FCHSD2: variants seen among roughly 807,000 people sequenced by gnomAD.
FCHSD2 encodes FCH and double SH3 domains 2.
In FCHSD2, 38 loss-of-function variants were observed where a neutral mutation model predicts 108.1. The observed-to-expected ratio is 0.35, with a 90% CI of 0.27 to 0.46. FCHSD2 has a LOEUF of 0.46. Among genes scored for constraint, FCHSD2 ranks in the 20% least tolerant of loss-of-function variants. The pLI is 1.00. For missense variants in FCHSD2, 751 were observed against 897.8 expected (o/e 0.84, Z 2.09); for synonymous variants, 279 against 314.7 (o/e 0.89, Z 1.20).
Position 73,111,937 on chromosome 11 carries a change from CATATT to C in FCHSD2, c.119+28089_119+28093del, listed in dbSNP as rs1298416145. On this transcript the variant is annotated intron_variant, in intron 2 of 19. Coordinates refer to ENST00000409418, the MANE Select transcript of FCHSD2 (RefSeq NM_014824.3). ...AACTTTTGGTTGTTACTATTTATAT[CATATT>C]ATACTGGATATGTCTTTAAAAGCTG... 4.6e-5 allele frequency among the ~76,000 whole-genome samples: 7 copies of C among 152,236 alleles called. 1 individual carries two copies. Among genetic ancestry groups the C allele is most frequent in the Middle Eastern group, 6.8e-3 (2 of 294 alleles).
intron 4 of FCHSD2, among the ~76,000 whole-genome samples, chr11:73,004,713 G>A (rs1325129994): frequency 6.6e-6 from 1 of 152,164 alleles, no homozygotes; most frequent in African/African-American, 2.4e-5. Flanking sequence ...ATGGCAGAAT[G>A]TGGCTGGAGA....
At chr11:72,852,130 C>G (rs1861306578) in intron 13 of FCHSD2, among the ~76,000 whole-genome samples, 2 of 151,988 alleles carry the variant, frequency 1.3e-5, no homozygotes, top group South Asian at 4.1e-4. Flanking sequence ...TTCAAGTGAT[C>G]CTCCCGCCTT....
At chr11:72,962,292 A>G (rs1399521500) in intron 8 of FCHSD2, among the ~76,000 whole-genome samples, 1 of 152,224 alleles carries the variant, frequency 6.6e-6, no homozygotes, top group Non-Finnish European at 1.5e-5. Flanking sequence ...TGATGATGCA[A>G]TCGCTCTGAC....
intron 9 of FCHSD2, among the ~76,000 whole-genome samples, chr11:72,914,135 C>T (rs1855823781): frequency 6.6e-6 from 1 of 152,074 alleles, no homozygotes; most frequent in South Asian, 2.1e-4. Flanking sequence ...CTGCCTCAGC[C>T]TCCCGAGCAG....
At chr11:72,955,622 G>A (rs1419725017) in intron 8 of FCHSD2, among the ~76,000 whole-genome samples, 4 of 150,698 alleles carry the variant, frequency 2.7e-5, no homozygotes, top group Non-Finnish European at 5.9e-5. Context: ...AGCCCACTAA[G>A]AGTTACTTCA....
chr11:72,972,702 A>G (rs1181029617), intron 8 of FCHSD2, among the ~76,000 whole-genome samples: 3 of 152,204 alleles, frequency 2.0e-5, no homozygotes, highest in Non-Finnish European at 1.5e-5. Flanking sequence ...AAAATAACCA[A>G]TGTAGCAGGG....
chr11:72,949,647 C>T (rs1856586261), intron 8 of FCHSD2, among the ~76,000 whole-genome samples: 1 of 152,142 alleles, frequency 6.6e-6, no homozygotes, highest in Admixed American at 6.5e-5. Context: ...TTGTGTCTGG[C>T]TTCTTTCACT....
rs956427847 is a variant in FCHSD2, at chr11:73,073,564, C to T, written c.165+10131G>A. On this transcript the variant is annotated intron_variant, in intron 3 of 19. Transcript: ENST00000409418. The stretch of plus-strand genomic sequence containing the variant: ...CGATCAATCCCACTTGAATTAATTT[C>T]CTTCACAATATTTTTCTTTTAGGAT... 1.1e-4 allele frequency among the ~76,000 whole-genome samples: 17 copies of T among 152,152 alleles called. 1 individual carries two copies. Among genetic ancestry groups the T allele is most frequent in the African/African-American group, 3.4e-4 (14 of 41,434 alleles).
At chr11:72,906,872 T>C (rs1489737104) in intron 9 of FCHSD2, among the ~76,000 whole-genome samples, 1 of 152,228 alleles carries the variant, frequency 6.6e-6, no homozygotes, top group Non-Finnish European at 1.5e-5. Flanking sequence ...TCTCCAGCTT[T>C]GTTCTTTTTG....
intron 3 of FCHSD2, among the ~76,000 whole-genome samples, chr11:73,026,757 T>C (rs113972769): frequency 6.1e-4 from 93 of 152,268 alleles, no homozygotes; most frequent in African/African-American, 1.9e-3. Flanking sequence ...TAGGAGGTGA[T>C]TGGATCACAG....
intron 8 of FCHSD2, chr11:72,940,685 G>T: frequency 8.8e-7 from 1 of 1,136,712 alleles, no homozygotes. Context: ...ATTATATATA[G>T]GATTCATGTT....
At chr11:73,117,674 T>C (rs758684949) in intron 2 of FCHSD2, among the ~76,000 whole-genome samples, 1 of 152,188 alleles carries the variant, frequency 6.6e-6, no homozygotes. Flanking sequence ...TTCAACAGAT[T>C]ATTGCAAAAT....
At position 72,887,583 on chromosome 11, in the gene FCHSD2, G is replaced by C. The variant is rs1235038014; in HGVS notation, c.1042-9C>G. The stretch of plus-strand genomic sequence containing the variant: ...TCCAGATCATTTAGAACCTATTAAA[G>C]AAAATGGGACAATAATGATGACTGT... On this transcript the variant is annotated splice_polypyrimidine_tract_variant and intron_variant, in intron 11 of 19. Transcript: ENST00000409418. The C allele has an allele frequency of 1.3e-6, 2 of 1,494,528 alleles. No homozygotes were observed. The highest frequency in any genetic ancestry group is 1.4e-5 in the African/African-American group (1 of 69,152). The allele number at this position is 1,494,528 out of a possible 1,614,324, so 92.6% of individuals were successfully genotyped here.
chr11:73,141,663 C>T (rs1861251757), intron 1 of FCHSD2, among the ~76,000 whole-genome samples, 194 bp downstream of exon 1: 1 of 152,176 alleles, frequency 6.6e-6, no homozygotes, highest in African/African-American at 2.4e-5. Flanking sequence ...ACGGACGAGC[C>T]CCGGCGGCCC....
At chr11:72,880,081 A>AAACT (rs1855052450) in intron 12 of FCHSD2, among the ~76,000 whole-genome samples, 1 of 149,170 alleles carries the variant, frequency 6.7e-6, no homozygotes, top group Non-Finnish European at 1.5e-5. Flanking sequence ...ACAAACAAAC[A>AAACT]AACAAAAACC....
At chr11:73,039,294 G>T (rs1858573785) in intron 3 of FCHSD2, among the ~76,000 whole-genome samples, 1 of 152,076 alleles carries the variant, frequency 6.6e-6, no homozygotes, top group Admixed American at 6.6e-5. Context: ...GAGGTGGGCG[G>T]ATCACTTGAG....
chr11:73,002,472 C>T (rs555381610), intron 4 of FCHSD2, among the ~76,000 whole-genome samples: 2 of 152,326 alleles, frequency 1.3e-5, no homozygotes, highest in East Asian at 3.9e-4. Context: ...GCAATGTAAA[C>T]TCACCACAGG....
At chr11:73,105,429 T>A (rs576590259) in intron 2 of FCHSD2, among the ~76,000 whole-genome samples, 1 of 152,332 alleles carries the variant, frequency 6.6e-6, no homozygotes, top group South Asian at 2.1e-4. Context: ...AGGCTCTTTA[T>A]TTGGTAACAT....
Position 73,001,200 on chromosome 11 carries a change from T to G in FCHSD2, c.243-66A>C. The G allele has an allele frequency of 2.9e-6, 4 of 1,400,446 alleles. No individual in the cohort carries two copies. In the East Asian group the frequency reaches 6.9e-5, roughly 24 times the overall value. The allele number at this position is 1,400,446 out of a possible 1,614,324, so 86.8% of individuals were successfully genotyped here. On this transcript the variant is annotated intron_variant, in intron 4 of 19. Transcript: ENST00000409418. ...AGGAAGAAAAAGTTGGCTAACCTTTTGCTCACAGGGCAGCACTGACAGAAT... is the reference window on the plus strand; with the variant it reads ...AGGAAGAAAAAGTTGGCTAACCTTTGGCTCACAGGGCAGCACTGACAGAAT...
Sources: gnomAD v4.1 joint callset for allele counts (sites outside exome capture counted in the v4.1 genomes callset) on GRCh38, gnomAD v4.1.1 for gene constraint, MANE v1.5 for transcripts, NCBI Gene and HGNC (gene_info 2026-07-23, HGNC 2026-07-21) for gene names.